METTL9: variants seen among roughly 807,000 people sequenced by gnomAD.
The protein encoded by METTL9 is methyltransferase 9, His-X-His N1(pi)-histidine.
METTL9 carries 10 observed loss-of-function variants against 36.0 expected under a neutral mutation model. That is an observed-to-expected ratio of 0.28 (90% CI 0.17 to 0.47). The LOEUF is 0.47. METTL9 is among the 20% of genes least tolerant of loss of function. The pLI is 0.99. For missense variants in METTL9, 246 were observed against 383.5 expected (o/e 0.64, Z 3.00); for synonymous variants, 175 against 149.7 (o/e 1.17, Z -1.23).
chr16:21,621,062 C>T (rs42748), intron 3 of METTL9, among the ~76,000 whole-genome samples: 150,297 of 152,164 alleles, frequency 0.99, 74,236 homozygotes, highest in East Asian at 1. Context: ...CTTGAACTTC[C>T]GGGCTCAAGT....
At chr16:21,634,098 A>G (rs985184571) in intron 4 of METTL9, among the ~76,000 whole-genome samples, 9 of 152,134 alleles carry the variant, frequency 5.9e-5, no homozygotes, top group Admixed American at 5.2e-4. Context: ...TCCAATTACA[A>G]CTGAGGAGGT....
intron 1 of METTL9, among the ~76,000 whole-genome samples, chr16:21,601,952 G>A (rs1471481191): frequency 1.3e-5 from 2 of 152,084 alleles, no homozygotes; most frequent in African/African-American, 4.8e-5. Context: ...CAGAAGAAAG[G>A]TGTGTAGAAA....
At chr16:21,636,856 C>T (rs1364089725) in intron 4 of METTL9, among the ~76,000 whole-genome samples, 1 of 152,130 alleles carries the variant, frequency 6.6e-6, no homozygotes, top group African/African-American at 2.4e-5. Context: ...GACAGAATAG[C>T]AAGTGAAAAG....
At chr16:21,637,789 G>C (rs1452163993) in intron 4 of METTL9, among the ~76,000 whole-genome samples, 2 of 152,264 alleles carry the variant, frequency 1.3e-5, no homozygotes, top group East Asian at 1.9e-4. Context: ...GCCTCGGCCA[G>C]CCACAGAGAG....
In METTL9 at chr16:21,617,992, A is replaced by G. The variant is rs1965596551; in HGVS notation, c.484A>G (p.Ile162Val). ...TGCTGGAGATGGAGAAGTCACAAAA[A>G]TCATGAGCCCTCATTTTGAAGAAAT... The part of the protein sequence containing the change: ...LGAGDGEVTK[I>V]MSPHFEEIYA... The change falls in exon 3 of 5, where the codon ATC becomes GTC. Residue 162 changes from isoleucine to valine, a missense_variant. Ile to Val is a conservative substitution (Grantham distance 29, BLOSUM62 3). This residue lies in a region of METTL9 where 146 missense variants were observed against 302.1 expected (regional missense o/e 0.48). Transcript: ENST00000358154. 6.2e-7 allele frequency: 1 copy of G among 1,613,214 alleles called. No individual in the cohort carries two copies. Among genetic ancestry groups the G allele is most frequent in the Non-Finnish European group, 8.5e-7 (1 of 1,179,820 alleles).
At chr16:21,612,526 TG>T in intron 1 of METTL9, 118 bp from the exon 2 acceptor site, 1 of 882,060 alleles carries the variant, frequency 1.1e-6, no homozygotes, top group Non-Finnish European at 1.6e-6. Flanking sequence ...TATCATGAGA[TG>T]GTAATATTTG....
At chr16:21,636,722 G>A (rs779370113) in intron 4 of METTL9, among the ~76,000 whole-genome samples, 4 of 152,292 alleles carry the variant, frequency 2.6e-5, no homozygotes, top group South Asian at 2.1e-4. Flanking sequence ...CTGAAGAGTC[G>A]GGGGTTGTTA....
At chr16:21,638,837 G>A (rs1966173992) in intron 4 of METTL9, among the ~76,000 whole-genome samples, 1 of 152,140 alleles carries the variant, frequency 6.6e-6, no homozygotes, top group Admixed American at 6.5e-5. Flanking sequence ...AGCAAGTTCA[G>A]TATGACCCGA....
At position 21,599,836 on chromosome 16, in the gene METTL9, A is replaced by G; in HGVS notation, c.103A>G (p.Asn35Asp). The G allele has an allele frequency of 6.5e-7, 1 of 1,535,090 alleles. No homozygotes were observed. Among genetic ancestry groups the G allele is most frequent in the Middle Eastern group, 1.9e-4 (1 of 5,368 alleles). ...RSPLTRSLYV[N>D]MTSGPGGPAA... is the part of the protein sequence containing the mutation. The stretch of plus-strand genomic sequence containing the variant: ...CCCGCTCACCCGCTCCCTGTACGTG[A>G]ACATGACTAGCGGCCCGGGTGGGCC... Residue 35 changes from asparagine to aspartate, a missense_variant, in exon 1 of 5, where the codon AAC becomes GAC. Transcript: ENST00000358154. The surrounding 1 kb of genome is among the most constrained non-coding windows in gnomAD (Gnocchi z 4.4).
rs542566271 is a variant in METTL9 at position 21,599,973 on chromosome 16, G to C, written c.165+75G>C. 1 of 1,183,758 alleles carries C rather than the reference G, an allele frequency of 8.4e-7. No individual in the cohort carries two copies. Among genetic ancestry groups the C allele is most frequent in the African/African-American group, 1.6e-5 (1 of 62,260 alleles). 73.3% of individuals were successfully genotyped at this position (1,183,758 alleles called of 1,614,324 possible). A position where few individuals can be genotyped will look rare whatever the true frequency, so the allele number is the denominator to read the frequency against. ...CCGCGCTGGGCCCGGCTATTGTGCG[G>C]GACGGCTCCGCGAGGGGGCGGCCCG... On this transcript the variant is annotated intron_variant, in intron 1 of 4. Transcript: ENST00000358154. This position sits in a 1 kb window ranked among gnomAD's most constrained non-coding sequence, Gnocchi z 4.4.
Position 21,655,714 on chromosome 16 carries a change from T to C in METTL9, c.*282T>C, listed in dbSNP as rs1004484927. On this transcript the variant is annotated 3_prime_UTR_variant, in exon 5 of 5. Transcript: ENST00000358154. ...CAATTATGATGGAAGATATTTTTTA[T>C]ACTTAATTGCAGTAGGGACTCATTC... is the stretch of plus-strand genomic sequence containing the variant. 12 of 326,746 alleles carry C rather than the reference T, an allele frequency of 3.7e-5. No individual in the cohort carries two copies. Among genetic ancestry groups the C allele is most frequent in the Non-Finnish European group, 2.3e-5 (4 of 177,390 alleles). The allele number at this position is 326,746 out of a possible 1,614,324, so 20.2% of individuals were successfully genotyped here. A position where few individuals can be genotyped will look rare whatever the true frequency, so the allele number is the denominator to read the frequency against.
chr16:21,643,265 C>G (rs1287011409), intron 4 of METTL9: 3 of 764,584 alleles, frequency 3.9e-6, no homozygotes, highest in Non-Finnish European at 6.8e-6. Flanking sequence ...AAAACTACCC[C>G]CTCCCCCAAC....
At chr16:21,618,220 TAGC>T in intron 3 of METTL9, 146 bp downstream of exon 3, 4 of 727,324 alleles carry the variant, frequency 5.5e-6, no homozygotes, top group Non-Finnish European at 6.3e-6. Context: ...AATCTTCTGG[TAGC>T]AGTATTTTTC....
chr16:21,624,865 T>G, intron 3 of METTL9, 66 bp from the exon 4 acceptor site: 1 of 1,391,422 alleles, frequency 7.2e-7, no homozygotes, highest in Admixed American at 1.7e-5. Flanking sequence ...TATTGTCATC[T>G]CAGTTATTTT....
chr16:21,599,916 G>A lies in METTL9; in HGVS notation c.165+18G>A. 5 of 1,362,960 alleles carry A rather than the reference G, an allele frequency of 3.7e-6. No homozygotes were observed. The highest frequency in any genetic ancestry group is 4.7e-6 in the Non-Finnish European group (5 of 1,061,642). The allele number at this position is 1,362,960 out of a possible 1,614,324, so 84.4% of individuals were successfully genotyped here. ...ACCACCAGGTACGGGCTGGGGCCGG[G>A]GCCGGGGCGGGGGCGTGGCGGCCCG... is the stretch of plus-strand genomic sequence containing the variant. On this transcript the variant is annotated intron_variant, in intron 1 of 4. Coordinates refer to ENST00000358154, the MANE Select transcript of METTL9 (RefSeq NM_016025.5). The surrounding 1 kb of genome is among the most constrained non-coding windows in gnomAD (Gnocchi z 4.4).
intron 4 of METTL9, 104 bp from the exon 5 acceptor site, chr16:21,655,123 G>T (rs867577662): frequency 3.0e-6 from 3 of 1,005,856 alleles, no homozygotes; most frequent in South Asian, 3.2e-5. Context: ...AAGCCCTCAG[G>T]CTTGGAACGT....
At chr16:21,646,954 A>G in intron 4 of METTL9, 2 of 775,998 alleles carry the variant, frequency 2.6e-6, no homozygotes, top group South Asian at 3.1e-5. Flanking sequence ...ACGCCCAGCC[A>G]GTTGGAGTAG....
rs1331523507 is a variant in METTL9 at position 21,599,827 on chromosome 16, C to T, written c.94C>T (p.Leu32=). Residue 32 remains leucine, a synonymous_variant, in exon 1 of 5, where the codon CTG becomes TTG. Transcript: ENST00000358154. The surrounding 1 kb of genome is among the most constrained non-coding windows in gnomAD (Gnocchi z 4.4). The stretch of plus-strand genomic sequence containing the variant: ...GCTGCGGAGCCCGCTCACCCGCTCC[C>T]TGTACGTGAACATGACTAGCGGCCC... ...WTLRSPLTRS[L]YVNMTSGPGG... 3.2e-6 allele frequency: 5 copies of T among 1,541,698 alleles called. No homozygotes were observed. Among genetic ancestry groups the T allele is most frequent in the African/African-American group, 2.8e-5 (2 of 70,280 alleles).
intron 4 of METTL9, chr16:21,652,124 T>C (rs1966591353): frequency 6.5e-6 from 1 of 153,712 alleles, no homozygotes; most frequent in South Asian, 2.0e-4. Flanking sequence ...ATTGGAGTCA[T>C]GGCAGTTTTT....
Sources: gnomAD v4.1 joint callset for allele counts (sites outside exome capture counted in the v4.1 genomes callset) on GRCh38, gnomAD v4.1.1 for gene constraint, gnomAD v4.1.1 regional missense constraint, Gnocchi (gnomAD v3.1) non-coding constraint, MANE v1.5 for transcripts, NCBI Gene and HGNC (gene_info 2026-07-23, HGNC 2026-07-21) for gene names.